WAS: variants seen among roughly 807,000 people sequenced by gnomAD.
The protein encoded by WAS is actin nucleation-promoting factor WAS.
A neutral mutation model predicts 38.9 loss-of-function variants in WAS; 1 was observed. The ratio of observed to expected loss-of-function variants is 0.03; its 90% CI spans 0.01 to 0.12. The LOEUF (loss-of-function observed/expected upper bound fraction) is 0.12. Among genes scored for constraint, WAS ranks in the 10% least tolerant of loss-of-function variants. The pLI, the probability that WAS is intolerant of heterozygous loss-of-function variation, is 1.00. For missense variants in WAS, 311 were observed against 431.2 expected (o/e 0.72, Z 2.47); for synonymous variants, 182 against 173.6 (o/e 1.05, Z -0.38).
At position 48,686,777 on chromosome X, in the gene WAS, A is replaced by C. The variant is rs782489564; in HGVS notation, c.560-4A>C. The C allele has an allele frequency of 5.8e-6, 7 of 1,209,050 alleles. No homozygotes were observed. In the East Asian group the frequency reaches 2.1e-4, roughly 36 times the overall value. The stretch of plus-strand genomic sequence containing the variant: ...ATGAGCCAACCACCCTATTTTCCCC[A>C]CAGGCCCTCCAGTGGGTCCGCTCTC... On this transcript the variant is annotated splice_polypyrimidine_tract_variant and splice_region_variant and intron_variant, in intron 6 of 11. Transcript: ENST00000376701.
intron 9 of WAS, 42 bp downstream of exon 9, chrX:48,688,495 A>G: frequency 8.3e-7 from 1 of 1,207,851 alleles, no homozygotes; most frequent in Non-Finnish European, 1.1e-6. Context: ...TAGCCCAAGC[A>G]GCTCATAGCT....
upstream of WAS, among the ~76,000 whole-genome samples, chrX:48,681,223 T>G (rs2062399960): frequency 1.8e-5 from 2 of 111,573 alleles, no homozygotes; most frequent in Admixed American, 1.9e-4. Flanking sequence ...CAGGCTGAAG[T>G]GCAATGGCAC....
chrX:48,689,075 A>C lies in WAS; in HGVS notation c.1338+9A>C, dbSNP rs908139594. The C allele has an allele frequency of 6.7e-6, 8 of 1,194,695 alleles. No homozygotes were observed. The African/African-American group carries it at 1.1e-4, about 16-fold the overall frequency. ...GAATTCAGCTGAACAAGGTGAGGAC[A>C]GGCAGGATGGAGGATTGGGGGTCTA... On this transcript the variant is annotated intron_variant, in intron 10 of 11. Coordinates refer to ENST00000376701, the MANE Select transcript of WAS (RefSeq NM_000377.3).
At chrX:48,681,243 T>A (rs1438806236), upstream of WAS, among the ~76,000 whole-genome samples, 2 of 111,722 alleles carry the variant, frequency 1.8e-5, no homozygotes, top group African/African-American at 6.5e-5. Flanking sequence ...CGATCTCGGC[T>A]CACTGCAACC....
chrX:48,679,032 C>CT (rs1365720507), upstream of WAS, among the ~76,000 whole-genome samples: 60 of 101,492 alleles, frequency 5.9e-4, no homozygotes, highest in Middle Eastern at 4.9e-3. Flanking sequence ...GTTTTTCTTT[C>CT]TTTTTTTTTT....
At chrX:48,690,995 G>T (rs2062438015) in intron 11 of WAS, 112 bp from the exon 12 acceptor site, 3 of 635,038 alleles carry the variant, frequency 4.7e-6, no homozygotes, top group Non-Finnish European at 7.8e-6. Flanking sequence ...ACTCTAACTT[G>T]CCCTCCTCTA....
intron 2 of WAS, 53 bp from the exon 3 acceptor site, chrX:48,685,494 C>A: frequency 3.0e-6 from 3 of 988,567 alleles, no homozygotes; most frequent in Non-Finnish European, 4.2e-6. Context: ...CAAAAGCCTG[C>A]CACCCCCGGC....
intron 1 of WAS, 87 bp from the exon 2 acceptor site, chrX:48,684,196 T>A (rs2062411825): frequency 8.4e-7 from 1 of 1,187,381 alleles, no homozygotes; most frequent in Non-Finnish European, 1.1e-6. Context: ...CCCATGACTG[T>A]CATGAGGCAG....
At chrX:48,689,832 A>C (rs2062434175) in intron 11 of WAS, among the ~76,000 whole-genome samples, 1 of 108,258 alleles carries the variant, frequency 9.2e-6, no homozygotes, top group African/African-American at 3.4e-5. Context: ...TCGTTTCCAT[A>C]AAAACTAAAT....
chrX:48,691,111 A>C lies in WAS; in HGVS notation c.1458A>C (p.Glu486Asp), dbSNP rs975384814. 9.1e-6 allele frequency: 11 copies of C among 1,210,518 alleles called. No homozygotes were observed. Among genetic ancestry groups the C allele is most frequent in the Non-Finnish European group, 1.2e-5 (11 of 894,995 alleles). Residue 486 changes from glutamate to aspartate, a missense_variant, in exon 12 of 12, where the codon GAA becomes GAC. This residue lies in a region of WAS where 142 missense variants were observed against 157.6 expected (regional missense o/e 0.90). Coordinates refer to ENST00000376701, the MANE Select transcript of WAS (RefSeq NM_000377.3). Reference protein sequence around the residue: ...KRSRAIHSSDEGEDQAGDEDE... With the variant: ...KRSRAIHSSDDGEDQAGDEDE... ...TATCTTTCTCTTTCCCTCCAGACGA[A>C]GGGGAGGACCAGGCTGGCGATGAAG...
At position 48,685,832 on chromosome X, in the gene WAS, T is replaced by A; in HGVS notation, c.459T>A (p.Ser153Arg). 8.3e-7 allele frequency: 1 copy of A among 1,199,014 alleles called. No homozygotes were observed. The highest frequency in any genetic ancestry group is 1.1e-6 in the Non-Finnish European group (1 of 889,103). ...EKIQKRNQRQ[S>R]GDRRQLPPPP... is the part of the protein sequence containing the mutation. Reference sequence around the variant, plus strand: ...TACAAAAAAGGAATCAGAGGCAAAGTGGAGGTGAGGAGGCCACAGGGGAGG... The same window carrying A: ...TACAAAAAAGGAATCAGAGGCAAAGAGGAGGTGAGGAGGCCACAGGGGAGG... Residue 153 changes from serine (S) to arginine (R), a missense_variant, in exon 4 of 12, where the codon AGT becomes AGA. By Grantham distance (110) the Ser-to-Arg change is moderately radical (BLOSUM62 -1). Around this residue, in one of 4 missense-constraint regions of WAS, gnomAD observed 31 missense variants for 20.1 expected, o/e 1.55. Transcript: ENST00000376701.
chrX:48,680,229 C>T (rs1198188692), upstream of WAS, among the ~76,000 whole-genome samples: 2 of 111,590 alleles, frequency 1.8e-5, no homozygotes, highest in African/African-American at 6.5e-5. Context: ...ATATCATCGC[C>T]CCTATTCCTC....
chrX:48,689,525 C>A lies in WAS; in HGVS notation c.1453+91C>A, dbSNP rs1602180110. ...CAGCAGTCACCACCAATAGTGACAT[C>A]AGCCCCATCTGTTTGACAGCATTAA... is the stretch of plus-strand genomic sequence containing the variant. On this transcript the variant is annotated intron_variant, in intron 11 of 11. Coordinates refer to ENST00000376701, the MANE Select transcript of WAS (RefSeq NM_000377.3). 7 of 758,024 alleles carry A rather than the reference C, an allele frequency of 9.2e-6. No individual in the cohort carries two copies. In the East Asian group the frequency reaches 2.4e-4, roughly 26 times the overall value. The allele number at this position is 758,024 out of a possible 1,213,427, so 62.5% of individuals were successfully genotyped here. A position where few individuals can be genotyped will look rare whatever the true frequency, so the allele number is the denominator to read the frequency against.
At chrX:48,690,395 C>T (rs887522779) in intron 11 of WAS, among the ~76,000 whole-genome samples, 1 of 111,783 alleles carries the variant, frequency 8.9e-6, no homozygotes, top group Non-Finnish European at 1.9e-5. Context: ...CGATCTGCCC[C>T]GCCTCAGCCT....
chrX:48,679,615 C>T (rs1557005547), upstream of WAS, among the ~76,000 whole-genome samples: 2 of 110,077 alleles, frequency 1.8e-5, no homozygotes, highest in Non-Finnish European at 3.8e-5. Context: ...GAGACCCCAT[C>T]TCTACAAAAA....
chrX:48,683,108 G>T (rs1366684663), upstream of WAS, among the ~76,000 whole-genome samples: 1 of 110,078 alleles, frequency 9.1e-6, no homozygotes, highest in African/African-American at 3.3e-5. Context: ...TGAGACAAGG[G>T]TCTTGCTCTG....
At chrX:48,688,578 G>A in intron 9 of WAS, 82 bp from the exon 10 acceptor site, 6 of 1,193,678 alleles carry the variant, frequency 5.0e-6, no homozygotes, top group Non-Finnish European at 6.8e-6. Context: ...GTCAGTGGGG[G>A]TACCCATTTT....
intron 11 of WAS, 99 bp downstream of exon 11, chrX:48,689,533 T>C: frequency 1.4e-6 from 1 of 708,059 alleles, no homozygotes; most frequent in Non-Finnish European, 2.2e-6. Context: ...ATCAGCCCCA[T>C]CTGTTTGACA....
Position 48,688,909 on chromosome X carries a change from C to T in WAS, c.1181C>T (p.Pro394Leu), listed in dbSNP as rs373524969. The T allele has an allele frequency of 4.8e-5, 56 of 1,161,694 alleles. No homozygotes were observed. The African/African-American group carries it at 9.2e-4, about 19-fold the overall frequency. Residue 394 changes from proline to leucine, a missense_variant, in exon 10 of 12, where the codon CCA (proline) becomes CTA (leucine). Coordinates refer to ENST00000376701, the MANE Select transcript of WAS (RefSeq NM_000377.3). ...CCTGGAGCTGGTGGGCCACCCATGC[C>T]ACCACCACCGCCACCACCGCCACCG... ...PPPGAGGPPM[P>L]PPPPPPPPPP...
Sources: allele counts gnomAD v4.1 joint callset (sites outside exome capture counted in the v4.1 genomes callset), GRCh38; gene constraint gnomAD v4.1.1; regional missense constraint gnomAD v4.1.1; transcripts MANE v1.5; gene names NCBI Gene and HGNC (gene_info 2026-07-23, HGNC 2026-07-21).